CAMTA1: variants seen among roughly 807,000 people sequenced by gnomAD.
CAMTA1 encodes the protein calmodulin-binding transcription activator 1.
In CAMTA1, 27 loss-of-function variants were observed where a neutral mutation model predicts 170.9. That is an observed-to-expected ratio of 0.16 (90% CI 0.12 to 0.22). The LOEUF is 0.22. Ranked by LOEUF, CAMTA1 falls within the 10% of genes least tolerant of loss-of-function variation. The probability of loss-of-function intolerance (pLI) is 1.00; values close to 1 mark genes in which losing one functional copy is unlikely to be tolerated. For missense variants in CAMTA1, 1,619 were observed against 2,217.2 expected (o/e 0.73, Z 5.42); for synonymous variants, 833 against 891.5 (o/e 0.93, Z 1.17).
chr1:7,379,699 G>A (rs958014763), intron 5 of CAMTA1, among the ~76,000 whole-genome samples: 2 of 152,212 alleles, frequency 1.3e-5, no homozygotes, highest in African/African-American at 4.8e-5. Context: ...GGCAGTGGCC[G>A]TCTGAACTGG....
intron 3 of CAMTA1, among the ~76,000 whole-genome samples, chr1:7,002,997 G>A (rs1698462225): frequency 6.6e-6 from 1 of 152,216 alleles, no homozygotes; most frequent in Non-Finnish European, 1.5e-5. Context: ...GTAAATTGCT[G>A]TGCTCGGACT....
chr1:7,039,566 G>A lies in CAMTA1; in HGVS notation c.235-51738G>A, dbSNP rs1312525551. Among the ~76,000 whole-genome samples the A allele has an allele frequency of 4.6e-5, 7 of 152,178 alleles. No homozygotes were observed. The East Asian group carries it at 7.7e-4, about 17-fold the overall frequency. The stretch of plus-strand genomic sequence containing the variant: ...AAACAAATGGAGATATTTGGAAGAC[G>A]TGTAGGTATGTGGGGCGATTTATCT... On this transcript the variant is annotated intron_variant, in intron 3 of 22. Coordinates refer to ENST00000303635, the MANE Select transcript of CAMTA1 (RefSeq NM_015215.4).
At chr1:7,537,599 T>G (rs1373885416) in intron 6 of CAMTA1, among the ~76,000 whole-genome samples, 2 of 152,222 alleles carry the variant, frequency 1.3e-5, no homozygotes, top group East Asian at 3.9e-4. Context: ...AAGGCCTCTC[T>G]GCTGAAGGGC....
chr1:7,311,305 C>CT (rs1676697096), intron 5 of CAMTA1, among the ~76,000 whole-genome samples: 1 of 152,052 alleles, frequency 6.6e-6, no homozygotes, highest in Non-Finnish European at 1.5e-5. Flanking sequence ...TTTTTAAAAT[C>CT]TTTTTTATTC....
At chr1:7,194,848 T>G (rs1243812022) in intron 4 of CAMTA1, among the ~76,000 whole-genome samples, 2 of 152,226 alleles carry the variant, frequency 1.3e-5, no homozygotes, top group African/African-American at 4.8e-5. Flanking sequence ...TAGAATTCTG[T>G]GATTTTTATT....
intron 4 of CAMTA1, among the ~76,000 whole-genome samples, chr1:7,211,124 A>G (rs1179696660): frequency 6.6e-6 from 1 of 152,224 alleles, no homozygotes; most frequent in Admixed American, 6.5e-5. Flanking sequence ...CCACCCAGCA[A>G]TGCATCTTGT....
chr1:7,634,411 G>A lies in CAMTA1; in HGVS notation c.511-5989G>A, dbSNP rs544239745. On this transcript the variant is annotated intron_variant, in intron 6 of 22. Coordinates refer to ENST00000303635, the MANE Select transcript of CAMTA1 (RefSeq NM_015215.4). The surrounding 1 kb of genome is among the most constrained non-coding windows in gnomAD (Gnocchi z 6.2). Reference sequence around the variant, plus strand: ...GGTGCTGAGCAGGAGGTCGGGAGGCGAGGTCGGCCATGGGAAGTCATGGGG... The same window carrying A: ...GGTGCTGAGCAGGAGGTCGGGAGGCAAGGTCGGCCATGGGAAGTCATGGGG... 6.6e-4 allele frequency among the ~76,000 whole-genome samples: 100 copies of A among 152,206 alleles called. No individual in the cohort carries two copies. Among genetic ancestry groups the A allele is most frequent in the Middle Eastern group, 6.8e-3 (2 of 294 alleles).
rs186301069 is a variant in CAMTA1 at position 7,267,148 on chromosome 1, C to T, written c.438+17522C>T. Among the ~76,000 whole-genome samples the T allele has an allele frequency of 5.9e-5, 9 of 152,220 alleles. 1 individual carries two copies. The highest frequency in any genetic ancestry group is 1.9e-4 in the East Asian group (1 of 5,176). The stretch of plus-strand genomic sequence containing the variant: ...AAGAGAGGTGGGCCAGAATGTTCTC[C>T]GAGGTTCCTTCCTATTTAAAAGTGC... On this transcript the variant is annotated intron_variant, in intron 5 of 22. Coordinates refer to ENST00000303635, the MANE Select transcript of CAMTA1 (RefSeq NM_015215.4).
At chr1:7,612,539 T>C (rs1008453596) in intron 6 of CAMTA1, among the ~76,000 whole-genome samples, 7 of 152,278 alleles carry the variant, frequency 4.6e-5, no homozygotes, top group African/African-American at 1.4e-4. Flanking sequence ...CCTGTTCCCA[T>C]TTAGGGCTGC....
At chr1:7,595,125 G>A (rs553043727) in intron 6 of CAMTA1, among the ~76,000 whole-genome samples, 4 of 152,204 alleles carry the variant, frequency 2.6e-5, no homozygotes, top group Non-Finnish European at 4.4e-5. Context: ...GGTCTTTCAG[G>A]ATAGGGGTCC....
At chr1:7,110,150 T>C (rs1285687175) in intron 4 of CAMTA1, among the ~76,000 whole-genome samples, 1 of 152,186 alleles carries the variant, frequency 6.6e-6, no homozygotes, top group Non-Finnish European at 1.5e-5. Flanking sequence ...GCTTCTGAAA[T>C]CTGGATCCCA....
intron 6 of CAMTA1, among the ~76,000 whole-genome samples, chr1:7,503,430 C>A (rs1420427053): frequency 6.6e-6 from 1 of 152,198 alleles, no homozygotes; most frequent in East Asian, 1.9e-4. Context: ...TACAGCCAGC[C>A]CAGGTAGAGG....
At chr1:6,959,486 C>T (rs1557887030) in intron 3 of CAMTA1, among the ~76,000 whole-genome samples, 1 of 140,740 alleles carries the variant, frequency 7.1e-6, no homozygotes, top group Middle Eastern at 3.7e-3. Context: ...GGGTGCCTAC[C>T]GGTGTACCGG....
chr1:7,263,227 A>C (rs1308091161), intron 5 of CAMTA1, among the ~76,000 whole-genome samples: 1 of 152,176 alleles, frequency 6.6e-6, no homozygotes, highest in East Asian at 1.9e-4. Context: ...ATAAATGTGG[A>C]GAGGCTGAGA....
At chr1:7,241,827 A>C (rs1664907521) in intron 4 of CAMTA1, among the ~76,000 whole-genome samples, 2 of 152,218 alleles carry the variant, frequency 1.3e-5, no homozygotes, top group African/African-American at 4.8e-5. Flanking sequence ...ACCTAAATGC[A>C]AGAGCTAAAG....
At chr1:7,750,696 A>G (rs562266462) in intron 19 of CAMTA1, among the ~76,000 whole-genome samples, 2 of 152,324 alleles carry the variant, frequency 1.3e-5, no homozygotes, top group East Asian at 1.9e-4. Context: ...TCAGCGTTTC[A>G]TGATAAGCCT....
intron 5 of CAMTA1, among the ~76,000 whole-genome samples, chr1:7,386,751 G>C (rs1421028222): frequency 6.6e-6 from 1 of 152,152 alleles, no homozygotes; most frequent in Non-Finnish European, 1.5e-5. Flanking sequence ...TGTTTCCCAA[G>C]GCTAAGAAGT....
intron 6 of CAMTA1, among the ~76,000 whole-genome samples, chr1:7,600,927 C>G (rs2095435317): frequency 6.6e-6 from 1 of 151,544 alleles, no homozygotes; most frequent in South Asian, 2.1e-4. Flanking sequence ...AGTCTTTTCC[C>G]CACCTTTCCC....
intron 6 of CAMTA1, among the ~76,000 whole-genome samples, chr1:7,596,764 T>G (rs1463293414): frequency 2.0e-5 from 3 of 152,206 alleles, no homozygotes; most frequent in African/African-American, 7.2e-5. Context: ...TCTCCTAGCT[T>G]TATTGCCTTT....
Sources: gnomAD v4.1 joint callset for allele counts (sites outside exome capture counted in the v4.1 genomes callset) on GRCh38, gnomAD v4.1.1 for gene constraint, Gnocchi (gnomAD v3.1) non-coding constraint, MANE v1.5 for transcripts, NCBI Gene and HGNC (gene_info 2026-07-23, HGNC 2026-07-21) for gene names.